PDE1C: variants seen among roughly 807,000 people sequenced by gnomAD.
PDE1C encodes phosphodiesterase 1C, also known as dual specificity calcium/calmodulin-dependent 3',5'-cyclic nucleotide phosphodiesterase 1C.
A neutral mutation model predicts 93.1 loss-of-function variants in PDE1C; 62 were observed. The observed-to-expected ratio is 0.67, with a 90% confidence interval of 0.54 to 0.82. The LOEUF is 0.82. Ranked by LOEUF, PDE1C falls within the 40% of genes least tolerant of loss-of-function variation. The pLI, the probability that PDE1C is intolerant of heterozygous loss-of-function variation, is 0.00. For missense variants in PDE1C, 742 were observed against 884.6 expected (o/e 0.84, Z 2.04); for synonymous variants, 325 against 310.1 (o/e 1.05, Z -0.50).
At chr7:32,036,420 A>G (rs1314547360) in intron 2 of PDE1C, among the ~76,000 whole-genome samples, 3 of 152,230 alleles carry the variant, frequency 2.0e-5, no homozygotes, top group Admixed American at 1.3e-4. Flanking sequence ...TTAAGAAGTT[A>G]GAAAATGAAG....
At chr7:31,758,340 C>G (rs911280016) in intron 17 of PDE1C, among the ~76,000 whole-genome samples, 1 of 152,110 alleles carries the variant, frequency 6.6e-6, no homozygotes. Flanking sequence ...TGCTACTTCT[C>G]TTTTTAAAAT....
intron 2 of PDE1C, among the ~76,000 whole-genome samples, chr7:31,948,444 C>T (rs1459297405): frequency 6.6e-6 from 1 of 152,032 alleles, no homozygotes; most frequent in African/African-American, 2.4e-5. Context: ...GCTTAAAAAA[C>T]AGTTATTTTA....
intron 3 of PDE1C, among the ~76,000 whole-genome samples, chr7:32,120,285 A>G (rs1287932738): frequency 6.6e-6 from 1 of 152,216 alleles, no homozygotes; most frequent in Non-Finnish European, 1.5e-5. Flanking sequence ...CAGTCTCTGC[A>G]GACCGTCATA....
At chr7:31,639,357 T>G in the PDE1C span, among the ~76,000 whole-genome samples, 5 of 152,126 alleles carry the variant, frequency 3.3e-5, no homozygotes, top group African/African-American at 1.2e-4. Flanking sequence ...TCTTTTCTTC[T>G]GCAGTCTCTA....
At chr7:31,890,306 G>A (rs1189641410) in intron 2 of PDE1C, among the ~76,000 whole-genome samples, 1 of 152,220 alleles carries the variant, frequency 6.6e-6, no homozygotes, top group Non-Finnish European at 1.5e-5. Flanking sequence ...ACTTCTGCCT[G>A]CTGATAAACA....
chr7:32,127,286 A>G (rs1019253958), intron 3 of PDE1C, among the ~76,000 whole-genome samples: 1 of 151,974 alleles, frequency 6.6e-6, no homozygotes, highest in African/African-American at 2.4e-5. Context: ...TTTATAATAA[A>G]TCTCTTTCTA....
chr7:32,255,232 A>G (rs535934744), intron 1 of PDE1C, among the ~76,000 whole-genome samples: 1 of 152,198 alleles, frequency 6.6e-6, no homozygotes, highest in South Asian at 2.1e-4. Flanking sequence ...CAGATGGGAG[A>G]CACCAAGATA....
At chr7:31,847,464 T>C (rs1792782759) in intron 9 of PDE1C, among the ~76,000 whole-genome samples, 1 of 151,750 alleles carries the variant, frequency 6.6e-6, no homozygotes, top group Non-Finnish European at 1.5e-5. Context: ...AAATCAAATA[T>C]AGGGTGAAAA....
chr7:31,903,499 G>A lies in PDE1C; in HGVS notation c.129-22639C>T, dbSNP rs1046721656. The stretch of plus-strand genomic sequence containing the variant: ...TAAAGAACCAACTTTTCATACATCA[G>A]TACCCTGGTGAATTGTAAATGTCAC... On this transcript the variant is annotated intron_variant, in intron 2 of 17. Coordinates refer to ENST00000396191, the MANE Select transcript of PDE1C (RefSeq NM_001191057.4). 1.6e-4 allele frequency among the ~76,000 whole-genome samples: 24 copies of A among 151,966 alleles called. 1 individual carries two copies. The highest frequency in any genetic ancestry group is 5.9e-5 in the Non-Finnish European group (4 of 67,934).
the PDE1C span, among the ~76,000 whole-genome samples, chr7:31,732,494 T>C: frequency 4.6e-5 from 7 of 152,152 alleles, no homozygotes; most frequent in African/African-American, 1.7e-4. Flanking sequence ...GAAGAAGAAA[T>C]TTGACCTCAG....
At chr7:31,883,216 C>A (rs1177526477) in intron 2 of PDE1C, among the ~76,000 whole-genome samples, 1 of 152,176 alleles carries the variant, frequency 6.6e-6, no homozygotes, top group South Asian at 2.1e-4. Flanking sequence ...AATACATTCT[C>A]AGGTGTCAAC....
the PDE1C span, among the ~76,000 whole-genome samples, chr7:31,623,474 A>C: frequency 5.3e-5 from 8 of 151,870 alleles, no homozygotes; most frequent in Non-Finnish European, 1.0e-4. Flanking sequence ...AAATGTAATC[A>C]AGCACATAAA....
chr7:32,111,489 G>T (rs1798637587), intron 3 of PDE1C, among the ~76,000 whole-genome samples: 2 of 152,160 alleles, frequency 1.3e-5, no homozygotes, highest in South Asian at 4.1e-4. Context: ...GAGGTGGCAG[G>T]CAAGGATAGC....
At chr7:32,061,370 C>T (rs1208327572) in intron 1 of PDE1C, among the ~76,000 whole-genome samples, 1 of 152,224 alleles carries the variant, frequency 6.6e-6, no homozygotes, top group African/African-American at 2.4e-5. Flanking sequence ...AGAGGTGGTA[C>T]AGTGAGTGAG....
intron 3 of PDE1C, among the ~76,000 whole-genome samples, chr7:32,122,676 T>A (rs1799362053): frequency 6.6e-6 from 1 of 151,968 alleles, no homozygotes; most frequent in Non-Finnish European, 1.5e-5. Context: ...TGAAAACAAA[T>A]ACACAGCATA....
intron 2 of PDE1C, among the ~76,000 whole-genome samples, chr7:31,883,526 T>C (rs1484741931): frequency 6.6e-6 from 1 of 152,228 alleles, no homozygotes; most frequent in Non-Finnish European, 1.5e-5. Flanking sequence ...ACACTTCCTC[T>C]CCCACTTTTA....
intron 1 of PDE1C, among the ~76,000 whole-genome samples, chr7:32,419,164 T>A (rs365091): frequency 0.67 from 102,234 of 152,086 alleles, 35,205 homozygotes; most frequent in Non-Finnish European, 0.75. Flanking sequence ...ATATCTGAGA[T>A]GGGCAAGTTT....
intron 16 of PDE1C, chr7:31,789,056 A>G (rs572659407): frequency 1.3e-5 from 2 of 152,276 alleles, no homozygotes; most frequent in South Asian, 4.1e-4. Flanking sequence ...TCTATTACTA[A>G]TCCCCACTTC....
chr7:32,318,015 T>A (rs1032254364), intron 1 of PDE1C, among the ~76,000 whole-genome samples: 2 of 152,190 alleles, frequency 1.3e-5, no homozygotes, highest in Non-Finnish European at 2.9e-5. Flanking sequence ...AAGGTAACCC[T>A]AACAATTACA....
Sources: gnomAD v4.1 joint callset for allele counts (sites outside exome capture counted in the v4.1 genomes callset) on GRCh38, gnomAD v4.1.1 for gene constraint, MANE v1.5 for transcripts, NCBI Gene and HGNC (gene_info 2026-07-23, HGNC 2026-07-21) for gene names.